The following OSBPL1A variants were observed in gnomAD, a reference collection of about 807,000 sequenced individuals.
OSBPL1A encodes the protein oxysterol binding protein like 1A, also known as oxysterol-binding protein-related protein 1.
A neutral mutation model predicts 137.1 loss-of-function variants in OSBPL1A; 80 were observed. That is an observed-to-expected ratio of 0.58 (90% confidence interval 0.49 to 0.70). The LOEUF is 0.70. Ranked by LOEUF, OSBPL1A falls within the 30% of genes least tolerant of loss-of-function variation. OSBPL1A has a pLI of 0.00. For synonymous variants in OSBPL1A, 365 were observed against 389.7 expected, an observed-to-expected ratio of 0.94 and a Z score of 0.75; for missense variants, 970 against 1,129.4, an observed-to-expected ratio of 0.86 and a Z score of 2.02.
In OSBPL1A at chr18:24,366,934, C is replaced by T; in HGVS notation, c.240G>A (p.Met80Ile). 6.2e-7 allele frequency: 1 copy of T among 1,612,586 alleles called. No homozygotes were observed. Among genetic ancestry groups the T allele is most frequent in the South Asian group, 1.1e-5 (1 of 90,736 alleles). ...AGAEVNVLND[M>I]GDTPLHRAAF... ...CAGCTCGATGAAGCGGCGTGTCTCCCATGTCATTCAACACATTCACTTCTG... is the reference window on the plus strand; with the variant it reads ...CAGCTCGATGAAGCGGCGTGTCTCCTATGTCATTCAACACATTCACTTCTG... Residue 80 changes from methionine (M) to isoleucine (I), a missense_variant, in exon 4 of 28, where the codon ATG becomes ATA. Around this residue, in one of 2 missense-constraint regions of OSBPL1A, gnomAD observed 647 missense variants for 672.6 expected, o/e 0.96. Transcript: ENST00000319481.
At chr18:24,338,323 A>G (rs2848604) in intron 5 of OSBPL1A, among the ~76,000 whole-genome samples, 76,074 of 150,900 alleles carry the variant, frequency 0.5, 21,591 homozygotes, top group African/African-American at 0.78. Flanking sequence ...CTCATGATCC[A>G]CCTACCTTGG....
intron 12 of OSBPL1A, among the ~76,000 whole-genome samples, chr18:24,313,973 C>T (rs2090672564): frequency 6.6e-6 from 1 of 152,032 alleles, no homozygotes; most frequent in Non-Finnish European, 1.5e-5. Context: ...GGCGTATTGG[C>T]ACGTGCCTGT....
intron 16 of OSBPL1A, among the ~76,000 whole-genome samples, chr18:24,235,496 C>T (rs569682202): frequency 1.3e-5 from 2 of 152,230 alleles, no homozygotes; most frequent in African/African-American, 4.8e-5. Context: ...ATTAGTAAAA[C>T]ACAGATGAAT....
Position 24,311,995 on chromosome 18 carries a change from T to G in OSBPL1A, c.1081A>C (p.Lys361Gln). 6.2e-7 allele frequency: 1 copy of G among 1,614,072 alleles called. No individual in the cohort carries two copies. Among genetic ancestry groups the G allele is most frequent in the Non-Finnish European group, 8.5e-7 (1 of 1,179,950 alleles). Residue 361 changes from lysine (K) to glutamine (Q), a missense_variant, in exon 13 of 28, where the codon AAA becomes CAA. Physicochemically the swap from Lys to Gln is moderately conservative, Grantham distance 53 (BLOSUM62 1). Coordinates refer to ENST00000319481, the MANE Select transcript of OSBPL1A (RefSeq NM_080597.4). ...EDTVSAADLK[K>Q]SLEKAQSCQQ... ...ATTTTCCTATTTACCTCTAATGATTTCTTCAGGTCTGCAGCAGAAACCGTA... is the reference window on the plus strand; with the variant it reads ...ATTTTCCTATTTACCTCTAATGATTGCTTCAGGTCTGCAGCAGAAACCGTA...
At chr18:24,294,424 A>G (rs1056815828) in intron 14 of OSBPL1A, among the ~76,000 whole-genome samples, 7 of 152,034 alleles carry the variant, frequency 4.6e-5, no homozygotes, top group Admixed American at 3.3e-4. Flanking sequence ...AGTAGAGACG[A>G]GGTTTCACCA....
chr18:24,174,633 G>T (rs1199150692), intron 21 of OSBPL1A, among the ~76,000 whole-genome samples: 1 of 152,164 alleles, frequency 6.6e-6, no homozygotes, highest in Non-Finnish European at 1.5e-5. Flanking sequence ...ACTTGGTATT[G>T]TCAATGTTTA....
intron 13 of OSBPL1A, among the ~76,000 whole-genome samples, chr18:24,307,196 T>G (rs1463997161): frequency 6.6e-6 from 1 of 151,940 alleles, no homozygotes; most frequent in Admixed American, 6.6e-5. Flanking sequence ...GGCAGGAGGA[T>G]CACTTGACCC....
intron 17 of OSBPL1A, among the ~76,000 whole-genome samples, chr18:24,217,770 GAATCAGAGAGCAAATGCTCTCTGA>G (rs1196033060): frequency 1.3e-5 from 2 of 152,164 alleles, no homozygotes; most frequent in African/African-American, 4.8e-5. Flanking sequence ...AGAAAGAAGA[GAATCAGAGAGCAAATGCTCTCTGA>G]TTGATGTCAT....
intron 4 of OSBPL1A, among the ~76,000 whole-genome samples, chr18:24,363,918 G>A (rs753815395): frequency 2.2e-4 from 34 of 151,634 alleles, no homozygotes; most frequent in Middle Eastern, 6.8e-3. Flanking sequence ...GATTACAGGC[G>A]TGAGCCACTG....
At chr18:24,239,185 C>A in intron 16 of OSBPL1A, 35 bp downstream of exon 16, 1 of 1,603,790 alleles carries the variant, frequency 6.2e-7, no homozygotes, top group South Asian at 1.1e-5. Context: ...GACTCTAAAT[C>A]ACCAACAATG....
chr18:24,181,805 T>G (rs753922276), intron 18 of OSBPL1A, among the ~76,000 whole-genome samples: 23 of 152,218 alleles, frequency 1.5e-4, no homozygotes, highest in Non-Finnish European at 3.1e-4. Context: ...CCCAAATGAA[T>G]GCACTTTCTT....
At chr18:24,369,405 C>G (rs1905434522) in intron 2 of OSBPL1A, among the ~76,000 whole-genome samples, 1 of 152,216 alleles carries the variant, frequency 6.6e-6, no homozygotes, top group South Asian at 2.1e-4. Flanking sequence ...AATTCCCAAT[C>G]AGACTGTAGC....
chr18:24,317,452 G>A (rs1454567723), intron 9 of OSBPL1A, 52 bp from the exon 10 acceptor site: 1 of 1,379,166 alleles, frequency 7.3e-7, no homozygotes, highest in East Asian at 2.3e-5. Flanking sequence ...AGATTCAAAT[G>A]CTTGACTGAT....
Position 24,355,910 on chromosome 18 carries a change from G to A in OSBPL1A, c.282+10982C>T, listed in dbSNP as rs377323100. On this transcript the variant is annotated intron_variant, in intron 4 of 27. Coordinates refer to ENST00000319481, the MANE Select transcript of OSBPL1A (RefSeq NM_080597.4). ...TGAGGCAGGAGAATTGCTTGAACGC[G>A]GGACACAGAGGTTGCAGTGAGCTGA... Among the ~76,000 whole-genome samples the A allele has an allele frequency of 4.3e-4, 65 of 151,428 alleles. 1 individual carries two copies. Among genetic ancestry groups the A allele is most frequent in the East Asian group, 3.9e-4 (2 of 5,146 alleles).
chr18:24,211,357 A>T (rs1349861847), intron 17 of OSBPL1A, among the ~76,000 whole-genome samples: 1 of 152,218 alleles, frequency 6.6e-6, no homozygotes, highest in African/African-American at 2.4e-5. Context: ...GCAATCTTTT[A>T]AATGTCAGGA....
At chr18:24,173,315 G>T (rs1450653265) in intron 21 of OSBPL1A, among the ~76,000 whole-genome samples, 1 of 152,030 alleles carries the variant, frequency 6.6e-6, no homozygotes, top group Non-Finnish European at 1.5e-5. Context: ...TTAGTACCTG[G>T]GTGACGAAAC....
intron 16 of OSBPL1A, among the ~76,000 whole-genome samples, chr18:24,238,278 G>A (rs2088562685): frequency 6.6e-6 from 1 of 152,074 alleles, no homozygotes. Flanking sequence ...AACTGTATAT[G>A]CTCACCTATT....
In OSBPL1A at chr18:24,311,921, A is replaced by T; in HGVS notation, c.1092+63T>A. The stretch of plus-strand genomic sequence containing the variant: ...CAAAACCTTACATCTTAAAGAAAAA[A>T]GTTCTTGATTAAACCTCATGACATA... On this transcript the variant is annotated intron_variant, in intron 13 of 27. Transcript: ENST00000319481. 1.9e-6 allele frequency: 3 copies of T among 1,579,124 alleles called. No individual in the cohort carries two copies. In the South Asian group the frequency reaches 3.4e-5, roughly 18 times the overall value.
intron 19 of OSBPL1A, 68 bp downstream of exon 19, chr18:24,181,077 T>G (rs531527759): frequency 1.3e-6 from 2 of 1,527,778 alleles, no homozygotes; most frequent in East Asian, 4.6e-5. Context: ...TGTGAACGTG[T>G]GTGTGTTCGG....
Sources: gnomAD v4.1 joint callset for allele counts (sites outside exome capture counted in the v4.1 genomes callset) on GRCh38, gnomAD v4.1.1 for gene constraint, gnomAD v4.1.1 regional missense constraint, MANE v1.5 for transcripts, NCBI Gene and HGNC (gene_info 2026-07-23, HGNC 2026-07-21) for gene names.